BAIAP2: variants seen among roughly 807,000 people sequenced by gnomAD.
The protein encoded by BAIAP2 is BAR/IMD domain containing adaptor protein 2.
In BAIAP2, 18 loss-of-function variants were observed where a neutral mutation model predicts 63.0. The ratio of observed to expected loss-of-function variants is 0.29; its 90% CI spans 0.20 to 0.42. The LOEUF (loss-of-function observed/expected upper bound fraction) is 0.42, where lower values mean the gene tolerates loss of function less well. BAIAP2 is among the 10% of genes least tolerant of loss of function. The probability of loss-of-function intolerance (pLI) is 1.00; values close to 1 mark genes in which losing one functional copy is unlikely to be tolerated. For synonymous variants in BAIAP2, 386 were observed against 307.6 expected, an observed-to-expected ratio of 1.25 and a Z score of -2.67; for missense variants, 610 against 734.3, an observed-to-expected ratio of 0.83 and a Z score of 1.96.
Position 81,086,432 on chromosome 17 carries a change from T to G in BAIAP2, c.352-11T>G, listed in dbSNP as rs1317349955. ...GGGCCTTGGTTTTGTGTTTTATTGT[T>G]TGAATCTCAGGCTGCGCTGAAGAAA... On this transcript the variant is annotated splice_polypyrimidine_tract_variant and intron_variant, in intron 5 of 13. Transcript: ENST00000428708. 13 of 1,613,184 alleles carry G rather than the reference T, an allele frequency of 8.1e-6. No homozygotes were observed.
At chr17:81,069,265 G>A (rs1316832787) in intron 3 of BAIAP2, among the ~76,000 whole-genome samples, 2 of 152,178 alleles carry the variant, frequency 1.3e-5, no homozygotes, top group East Asian at 1.9e-4. Context: ...TCACTGCAGG[G>A]CCAACTGGAC....
chr17:81,075,602 C>CT (rs2053529053), intron 3 of BAIAP2, among the ~76,000 whole-genome samples: 1 of 152,232 alleles, frequency 6.6e-6, no homozygotes, highest in Admixed American at 6.5e-5. Context: ...TGGGGTGCTC[C>CT]TTTGAGAGCG....
At chr17:81,082,339 C>G (rs1446694483) in intron 3 of BAIAP2, among the ~76,000 whole-genome samples, 1 of 152,222 alleles carries the variant, frequency 6.6e-6, no homozygotes, top group African/African-American at 2.4e-5. Flanking sequence ...TGATACCTCC[C>G]CGGGGTCTGC....
intron 6 of BAIAP2, among the ~76,000 whole-genome samples, chr17:81,090,317 C>T (rs373740690): frequency 7.5e-4 from 114 of 152,346 alleles, no homozygotes; most frequent in African/African-American, 2.6e-3. Flanking sequence ...CCGACATCAA[C>T]CTTCTCACGG....
chr17:81,052,263 A>G (rs893607510), intron 1 of BAIAP2, among the ~76,000 whole-genome samples: 6 of 152,138 alleles, frequency 3.9e-5, no homozygotes, highest in Admixed American at 6.5e-5. Context: ...GAGCACGCCT[A>G]TCCCACTTCT....
At chr17:81,069,368 C>T (rs997681727) in intron 3 of BAIAP2, among the ~76,000 whole-genome samples, 8 of 152,168 alleles carry the variant, frequency 5.3e-5, no homozygotes, top group Non-Finnish European at 1.2e-4. Context: ...CGAGGGGCGG[C>T]GCTCATGCCA....
chr17:81,060,757 A>G (rs2050403565), intron 3 of BAIAP2, among the ~76,000 whole-genome samples: 1 of 152,106 alleles, frequency 6.6e-6, no homozygotes, highest in African/African-American at 2.4e-5. Context: ...GCCAAGTCCT[A>G]CTGCACAGAG....
At chr17:81,049,795 G>A (rs1473108535) in intron 1 of BAIAP2, among the ~76,000 whole-genome samples, 1 of 152,242 alleles carries the variant, frequency 6.6e-6, no homozygotes, top group Non-Finnish European at 1.5e-5. Context: ...TTGGCTATGG[G>A]CCCCCGGACC....
At chr17:81,038,605 G>A (rs182770990) in intron 1 of BAIAP2, among the ~76,000 whole-genome samples, 27 of 152,366 alleles carry the variant, frequency 1.8e-4, no homozygotes, top group Non-Finnish European at 2.9e-4. Context: ...TCGAGGAGAC[G>A]GGTGCCACAG....
chr17:81,109,076 C>T, intron 13 of BAIAP2: 4 of 1,503,680 alleles, frequency 2.7e-6, no homozygotes, highest in African/African-American at 1.4e-5. Flanking sequence ...TCCTCCTCAG[C>T]TCTCGCTGGT....
intron 3 of BAIAP2, among the ~76,000 whole-genome samples, chr17:81,066,176 C>T (rs1598605593): frequency 6.6e-6 from 1 of 152,240 alleles, no homozygotes; most frequent in African/African-American, 2.4e-5. Context: ...CCGCTGTGTA[C>T]CCGCTGGTGC....
chr17:81,058,372 G>C (rs1371387987), intron 3 of BAIAP2, among the ~76,000 whole-genome samples: 1 of 152,240 alleles, frequency 6.6e-6, no homozygotes, highest in Non-Finnish European at 1.5e-5. Flanking sequence ...AGCAGCGTGA[G>C]TGGGTGGATT....
At chr17:81,112,589 A>G (rs936085147) in intron 13 of BAIAP2, among the ~76,000 whole-genome samples, 1 of 152,240 alleles carries the variant, frequency 6.6e-6, no homozygotes, top group African/African-American at 2.4e-5. Context: ...ACCCGATTCC[A>G]GAAGGGCCCA....
chr17:81,109,889 T>A (rs1042169972), intron 13 of BAIAP2: 33 of 984,428 alleles, frequency 3.4e-5, no homozygotes, highest in Non-Finnish European at 3.9e-5. Context: ...GGGCAGGGTG[T>A]GCGGGCCGGG....
At chr17:81,111,303 T>C (rs1203411533) in intron 13 of BAIAP2, among the ~76,000 whole-genome samples, 9 of 152,262 alleles carry the variant, frequency 5.9e-5, no homozygotes, top group Admixed American at 3.3e-4. Context: ...GGCAAGCAGC[T>C]GCAGCCCGGG....
intron 9 of BAIAP2, 102 bp downstream of exon 9, chr17:81,104,210 G>A (rs932760261): frequency 7.7e-6 from 10 of 1,303,118 alleles, no homozygotes; most frequent in Non-Finnish European, 1.1e-5. Context: ...AGACCCTGAG[G>A]CTCACAATTA....
At chr17:81,048,522 G>A (rs551538524) in intron 1 of BAIAP2, among the ~76,000 whole-genome samples, 11 of 152,256 alleles carry the variant, frequency 7.2e-5, no homozygotes, top group South Asian at 4.1e-4. Flanking sequence ...TGGAGATGAC[G>A]GGGGTTTTGC....
intron 3 of BAIAP2, among the ~76,000 whole-genome samples, chr17:81,071,952 C>G (rs950202183): frequency 4.6e-5 from 7 of 152,260 alleles, no homozygotes; most frequent in African/African-American, 1.7e-4. Flanking sequence ...CATTTCCTTG[C>G]TGCCTCTCCT....
chr17:81,042,358 G>A (rs898805995), intron 1 of BAIAP2, among the ~76,000 whole-genome samples: 1 of 151,364 alleles, frequency 6.6e-6, no homozygotes, highest in Admixed American at 6.6e-5. Context: ...GTCTTGCTAT[G>A]TTGCCCAGGC....
Sources: gnomAD v4.1 joint callset for allele counts (sites outside exome capture counted in the v4.1 genomes callset) on GRCh38, gnomAD v4.1.1 for gene constraint, MANE v1.5 for transcripts, NCBI Gene and HGNC (gene_info 2026-07-23, HGNC 2026-07-21) for gene names.